Variants in R3HDM1 observed in about 807,000 individuals in gnomAD.
R3HDM1 encodes R3H domain containing 1, also known as R3H domain-containing protein 1.
A neutral mutation model predicts 141.1 loss-of-function variants in R3HDM1; 46 were observed. The ratio of observed to expected loss-of-function variants is 0.33; its 90% CI spans 0.26 to 0.42. R3HDM1 has a LOEUF of 0.42. Among genes scored for constraint, R3HDM1 ranks in the 10% least tolerant of loss-of-function variants. The pLI is 1.00. For missense variants in R3HDM1, 1,184 were observed against 1,368.3 expected (o/e 0.87, Z 2.12); for synonymous variants, 435 against 472.9 (o/e 0.92, Z 1.04).
At chr2:135,694,611 T>C (rs888302569) in intron 21 of R3HDM1, among the ~76,000 whole-genome samples, 11 of 152,122 alleles carry the variant, frequency 7.2e-5, no homozygotes, top group Admixed American at 7.2e-4. Flanking sequence ...AAGTGAGTCT[T>C]AGGATTGCCC....
chr2:135,708,587 GTTTTTAACTATTATAAAAA>G (rs1241290817), intron 21 of R3HDM1, among the ~76,000 whole-genome samples: 1 of 152,046 alleles, frequency 6.6e-6, no homozygotes, highest in Non-Finnish European at 1.5e-5. Flanking sequence ...TCATTCTGTG[GTTTTTAACTATTATAAAAA>G]AATTCTAGAA....
chr2:135,638,863 T>C, intron 13 of R3HDM1, 33 bp from the exon 14 acceptor site: 2 of 1,612,308 alleles, frequency 1.2e-6, no homozygotes, highest in Non-Finnish European at 1.7e-6. Context: ...TTCCCCTGCA[T>C]TAGCTTTTCA....
chr2:135,635,252 C>T (rs1430435573), intron 9 of R3HDM1, among the ~76,000 whole-genome samples: 1 of 152,160 alleles, frequency 6.6e-6, no homozygotes, highest in East Asian at 1.9e-4. Flanking sequence ...AGGTATAACA[C>T]CAAACTAGGT....
chr2:135,576,809 A>C (rs559331620), intron 1 of R3HDM1, among the ~76,000 whole-genome samples: 1 of 152,222 alleles, frequency 6.6e-6, no homozygotes, highest in African/African-American at 2.4e-5. Context: ...GCAAGTCAAT[A>C]AAGTGTGAAA....
chr2:135,607,763 G>C (rs1279695713), intron 3 of R3HDM1: 44 of 816,588 alleles, frequency 5.4e-5, no homozygotes, highest in Non-Finnish European at 6.4e-5. Flanking sequence ...AGAACATTCT[G>C]ATGACCACTT....
At chr2:135,684,641 A>G (rs556809645) in intron 21 of R3HDM1, among the ~76,000 whole-genome samples, 1 of 152,330 alleles carries the variant, frequency 6.6e-6, no homozygotes, top group South Asian at 2.1e-4. Flanking sequence ...TTCACAGGCT[A>G]GGGTGTGTTC....
intron 19 of R3HDM1, among the ~76,000 whole-genome samples, chr2:135,670,090 G>T (rs1158627864): frequency 7.1e-6 from 1 of 140,790 alleles, no homozygotes; most frequent in African/African-American, 2.7e-5. Context: ...AGATTGCACC[G>T]CTGCACTCCA....
chr2:135,675,265 A>AT lies in R3HDM1; in HGVS notation c.2153-58dup, dbSNP rs534053662. The AT allele has an allele frequency of 3.9e-4, 560 of 1,424,640 alleles. 1 individual carries two copies. The East Asian group carries it at 6.8e-3, about 17-fold the overall frequency. The allele number at this position is 1,424,640 out of a possible 1,614,324, so 88.2% of individuals were successfully genotyped here. A position where few individuals can be genotyped will look rare whatever the true frequency, so the allele number is the denominator to read the frequency against. On this transcript the variant is annotated intron_variant, in intron 19 of 26. Transcript: ENST00000683871. ...TTAGAGCATAAAAGTACTCGCTTAA[A>AT]TTTTTTTTTAAATCTTACTAGATGA...
At chr2:135,634,759 A>G (rs1051041321) in intron 9 of R3HDM1, among the ~76,000 whole-genome samples, 1 of 152,220 alleles carries the variant, frequency 6.6e-6, no homozygotes, top group Non-Finnish European at 1.5e-5. Flanking sequence ...ATTCACATAT[A>G]TCATTTGATA....
At chr2:135,704,276 G>A (rs533805090) in intron 21 of R3HDM1, among the ~76,000 whole-genome samples, 16 of 150,754 alleles carry the variant, frequency 1.1e-4, no homozygotes, top group South Asian at 8.4e-4. Context: ...CGCCACACCC[G>A]GCTGAACTGA....
At chr2:135,670,217 AAAATTT>A (rs2068137984) in intron 19 of R3HDM1, 1 of 621,170 alleles carries the variant, frequency 1.6e-6, no homozygotes, top group Admixed American at 6.3e-5. Flanking sequence ...ATTTTAAATG[AAAATTT>A]AAATTTAAAA....
chr2:135,659,868 T>C (rs571871376), intron 18 of R3HDM1, among the ~76,000 whole-genome samples: 61 of 152,356 alleles, frequency 4.0e-4, no homozygotes, highest in African/African-American at 1.4e-3. Context: ...GCTAGCACAG[T>C]AGGACTACAG....
At chr2:135,603,383 C>A (rs1293862925) in intron 2 of R3HDM1, among the ~76,000 whole-genome samples, 1 of 151,972 alleles carries the variant, frequency 6.6e-6, no homozygotes, top group African/African-American at 2.4e-5. Flanking sequence ...ACTGGTTTCC[C>A]CCCCGCCACA....
At chr2:135,566,588 T>C (rs1402460673) in intron 1 of R3HDM1, 1 of 174,402 alleles carries the variant, frequency 5.7e-6, no homozygotes, top group Non-Finnish European at 1.1e-5. Context: ...ATTAATTTAC[T>C]GTGAAAGTTG....
At chr2:135,678,698 T>A (rs2069642203) in intron 20 of R3HDM1, among the ~76,000 whole-genome samples, 1 of 151,198 alleles carries the variant, frequency 6.6e-6, no homozygotes, top group Non-Finnish European at 1.5e-5. Context: ...ACCCTCCCTA[T>A]CATTACTATT....
chr2:135,654,285 C>T (rs2065497172), intron 18 of R3HDM1, among the ~76,000 whole-genome samples: 1 of 151,886 alleles, frequency 6.6e-6, no homozygotes, highest in Non-Finnish European at 1.5e-5. Context: ...TGATCCACAT[C>T]GTAGCATAGG....
chr2:135,602,837 G>T, intron 2 of R3HDM1, 129 bp downstream of exon 2: 1 of 776,140 alleles, frequency 1.3e-6, no homozygotes, highest in East Asian at 3.0e-5. Context: ...TTTTCGGAAT[G>T]AACCAATTAA....
intron 1 of R3HDM1, among the ~76,000 whole-genome samples, chr2:135,547,276 A>G (rs1698891697): frequency 6.6e-6 from 1 of 152,126 alleles, no homozygotes; most frequent in Non-Finnish European, 1.5e-5. Context: ...GCACATAGAA[A>G]TCAGTATGGT....
At chr2:135,655,357 C>G (rs2065701599) in intron 18 of R3HDM1, among the ~76,000 whole-genome samples, 3 of 152,180 alleles carry the variant, frequency 2.0e-5, no homozygotes, top group Admixed American at 2.0e-4. Context: ...CCTGGGCTCT[C>G]ACCTTACCCC....
Sources: allele counts gnomAD v4.1 joint callset (sites outside exome capture counted in the v4.1 genomes callset), GRCh38; gene constraint gnomAD v4.1.1; transcripts MANE v1.5; gene names NCBI Gene and HGNC (gene_info 2026-07-23, HGNC 2026-07-21).